The following CUL1 variants were observed in gnomAD, a reference collection of about 807,000 sequenced individuals.
The protein encoded by CUL1 is cullin-1.
In CUL1, 24 loss-of-function variants were observed where a neutral mutation model predicts 118.0. The ratio of observed to expected loss-of-function variants is 0.20; its 90% CI spans 0.15 to 0.29. The LOEUF is 0.29. CUL1 is among the 10% of genes least tolerant of loss of function. The pLI, the probability that CUL1 is intolerant of heterozygous loss-of-function variation, is 1.00. For synonymous variants in CUL1, 332 were observed against 340.4 expected (o/e 0.98, Z 0.27); for missense variants, 361 against 933.8 (o/e 0.39, Z 7.99).
At chr7:148,708,484 C>A (rs1393574034) in intron 1 of CUL1, among the ~76,000 whole-genome samples, 1 of 152,248 alleles carries the variant, frequency 6.6e-6, no homozygotes, top group Non-Finnish European at 1.5e-5. Flanking sequence ...TGCCCTCACG[C>A]CTGGCGATGC....
intron 1 of CUL1, among the ~76,000 whole-genome samples, chr7:148,721,802 G>C (rs998616155): frequency 6.6e-6 from 1 of 152,016 alleles, no homozygotes; most frequent in Non-Finnish European, 1.5e-5. Flanking sequence ...TGTGTGGTCT[G>C]TTGTGTGACT....
At chr7:148,788,455 A>G (rs1800893760) in intron 13 of CUL1, 102 bp from the exon 14 acceptor site, 1 of 717,524 alleles carries the variant, frequency 1.4e-6, no homozygotes, top group Non-Finnish European at 2.4e-6. Context: ...GTAGTTCCAT[A>G]TAATTAAGTA....
At chr7:148,791,394 G>T (rs1801004346) in intron 16 of CUL1, among the ~76,000 whole-genome samples, 1 of 152,192 alleles carries the variant, frequency 6.6e-6, no homozygotes, top group Admixed American at 6.5e-5. Context: ...ACTTAAAATT[G>T]TTAAAATGCA....
rs532202032 is a variant in CUL1, at chr7:148,723,554, AAATACT to A, written c.-161-6407_-161-6402del. Among the ~76,000 whole-genome samples, 3 of 152,324 alleles carry A rather than the reference AAATACT, an allele frequency of 2.0e-5. No homozygotes were observed. The East Asian group carries it at 5.8e-4, about 29-fold the overall frequency. ...TCAATCACTCAAGTAAGCAAAAAGT[AAATACT>A]TATAAGGCTGCTTGTTGCAGTATTA... On this transcript the variant is annotated intron_variant, in intron 1 of 21. Transcript: ENST00000325222.
At chr7:148,750,127 AAAG>A (rs570081919) in intron 2 of CUL1, among the ~76,000 whole-genome samples, 42 of 152,316 alleles carry the variant, frequency 2.8e-4, no homozygotes, top group Non-Finnish European at 4.7e-4. Flanking sequence ...CGATTAAAGA[AAAG>A]AAGCCATCTT....
intron 14 of CUL1, among the ~76,000 whole-genome samples, chr7:148,789,227 T>G (rs944992615): frequency 2.0e-5 from 3 of 152,272 alleles, no homozygotes; most frequent in African/African-American, 7.2e-5. Flanking sequence ...ATGACAATTC[T>G]ATTGTAAAAC....
intron 16 of CUL1, 147 bp from the exon 17 acceptor site, chr7:148,792,579 C>A: frequency 3.9e-6 from 2 of 517,676 alleles, no homozygotes; most frequent in Non-Finnish European, 6.7e-6. Flanking sequence ...TTTTATATTC[C>A]CTTTTAAATA....
intron 11 of CUL1, among the ~76,000 whole-genome samples, chr7:148,785,479 C>T (rs1437883483): frequency 1.3e-5 from 2 of 151,868 alleles, no homozygotes; most frequent in African/African-American, 4.8e-5. Flanking sequence ...ATGCCTTAGC[C>T]TCCTGAGCAG....
intron 1 of CUL1, among the ~76,000 whole-genome samples, chr7:148,726,094 C>T (rs1024819379): frequency 1.5e-4 from 23 of 152,158 alleles, no homozygotes; most frequent in Admixed American, 6.5e-4. Context: ...GTAAACTTGA[C>T]GAGTGTGACA....
chr7:148,748,880 T>C (rs1485321272), intron 2 of CUL1, among the ~76,000 whole-genome samples: 1 of 152,194 alleles, frequency 6.6e-6, no homozygotes, highest in Non-Finnish European at 1.5e-5. Context: ...ATCTAAACTG[T>C]TTAACTCTTA....
At chr7:148,753,607 T>A (rs1001154309) in intron 2 of CUL1, among the ~76,000 whole-genome samples, 1 of 152,228 alleles carries the variant, frequency 6.6e-6, no homozygotes, top group Non-Finnish European at 1.5e-5. Context: ...AGACAGTGCT[T>A]ATTGTTAGCT....
At chr7:148,728,041 T>C (rs1159988820) in intron 1 of CUL1, among the ~76,000 whole-genome samples, 4 of 152,004 alleles carry the variant, frequency 2.6e-5, no homozygotes, top group Non-Finnish European at 4.4e-5. Flanking sequence ...TTTAGACAAC[T>C]AAAATAGTCG....
chr7:148,795,893 G>C (rs1801183160), intron 17 of CUL1, among the ~76,000 whole-genome samples: 1 of 152,056 alleles, frequency 6.6e-6, no homozygotes, highest in African/African-American at 2.4e-5. Context: ...ATTCCTTAGA[G>C]TTTTTTGATA....
At chr7:148,767,120 T>C (rs893250047) in intron 8 of CUL1, among the ~76,000 whole-genome samples, 2 of 152,230 alleles carry the variant, frequency 1.3e-5, no homozygotes, top group African/African-American at 4.8e-5. Context: ...ATGGTCCTCC[T>C]AAAGTAACCA....
intron 11 of CUL1, among the ~76,000 whole-genome samples, chr7:148,784,997 A>G (rs2129462686): frequency 6.6e-6 from 1 of 152,352 alleles, no homozygotes. Flanking sequence ...ATAACCCAGC[A>G]GTACCAAGTC....
At chr7:148,788,768 CT>C in intron 14 of CUL1, 94 bp downstream of exon 14, 1 of 818,260 alleles carries the variant, frequency 1.2e-6, no homozygotes, top group Non-Finnish European at 2.0e-6. Context: ...ATGGGAGGGG[CT>C]TTGTCAGAAA....
At chr7:148,792,861 C>T (rs748386472) in intron 17 of CUL1, 43 bp downstream of exon 17, 2 of 1,416,958 alleles carry the variant, frequency 1.4e-6, no homozygotes, top group Non-Finnish European at 2.0e-6. Flanking sequence ...CTTGCCGTTT[C>T]CTTGTTCTCG....
intron 1 of CUL1, among the ~76,000 whole-genome samples, chr7:148,702,013 C>T (rs544671107): frequency 1.3e-5 from 2 of 152,120 alleles, no homozygotes; most frequent in African/African-American, 4.8e-5. Flanking sequence ...CTAAGGTTGC[C>T]TTGCTTTTTA....
chr7:148,727,403 T>C (rs770936218), intron 1 of CUL1, among the ~76,000 whole-genome samples: 2 of 152,220 alleles, frequency 1.3e-5, no homozygotes, highest in African/African-American at 4.8e-5. Context: ...TATTCCTAAA[T>C]CTTTTTAAGA....
Sources: gnomAD v4.1 joint callset for allele counts (sites outside exome capture counted in the v4.1 genomes callset) on GRCh38, gnomAD v4.1.1 for gene constraint, MANE v1.5 for transcripts, NCBI Gene and HGNC (gene_info 2026-07-23, HGNC 2026-07-21) for gene names.